Variants in PLD5 observed in about 807,000 individuals in gnomAD.
PLD5 encodes phospholipase D family member 5.
Under a neutral mutation model 61.1 loss-of-function variants are expected in PLD5, and 36 were observed. The observed-to-expected ratio is 0.59, with a 90% CI of 0.45 to 0.78. The LOEUF (loss-of-function observed/expected upper bound fraction) is 0.78. Ranked by LOEUF, PLD5 falls within the 30% of genes least tolerant of loss-of-function variation. The probability of loss-of-function intolerance (pLI) is 0.00; values close to 1 mark genes in which losing one functional copy is unlikely to be tolerated. For synonymous variants in PLD5, 243 were observed against 242.8 expected (o/e 1.00, Z -0.01); for missense variants, 515 against 644.4 (o/e 0.80, Z 2.17).
upstream of PLD5, among the ~76,000 whole-genome samples, chr1:242,528,462 A>G (rs2103018770): frequency 6.6e-6 from 1 of 152,310 alleles, no homozygotes; most frequent in Non-Finnish European, 1.5e-5. Context: ...TTCAAACCTA[A>G]ACTTAACAGA....
chr1:242,435,238 G>T (rs1017255645), intron 1 of PLD5, among the ~76,000 whole-genome samples: 1 of 152,132 alleles, frequency 6.6e-6, no homozygotes, highest in African/African-American at 2.4e-5. Context: ...GGGCTTTGAT[G>T]GTCATTTGCA....
chr1:242,273,185 TCTGTTCCTGTGTTAGTTTG>T (rs1674212105), intron 3 of PLD5, among the ~76,000 whole-genome samples: 2 of 152,044 alleles, frequency 1.3e-5, no homozygotes, highest in South Asian at 4.2e-4. Context: ...TGTTTTGTTT[TCTGTTCCTGTGTTAGTTTG>T]CTGAGAATGA....
chr1:242,269,609 C>G (rs1673933393), intron 3 of PLD5, among the ~76,000 whole-genome samples: 1 of 151,318 alleles, frequency 6.6e-6, no homozygotes, highest in African/African-American at 2.4e-5. Flanking sequence ...AGCAAAGAAA[C>G]AAGACTCAAG....
At chr1:242,308,820 G>A (rs1676525380) in intron 2 of PLD5, among the ~76,000 whole-genome samples, 1 of 152,080 alleles carries the variant, frequency 6.6e-6, no homozygotes, top group Non-Finnish European at 1.5e-5. Flanking sequence ...CTCAAGTGTG[G>A]GAAAAATAAA....
At chr1:242,371,332 T>C (rs557543415) in intron 1 of PLD5, among the ~76,000 whole-genome samples, 1 of 152,202 alleles carries the variant, frequency 6.6e-6, no homozygotes, top group African/African-American at 2.4e-5. Flanking sequence ...TCTGCACTCC[T>C]GACTGATGAG....
In PLD5 at chr1:242,376,850, C is replaced by T. The variant is rs552084235; in HGVS notation, c.190-28608G>A. Reference sequence around the variant, plus strand: ...TACTGTTAATTCTATTATCCCACTGCAAACTTTTTGTAACAAAAATGTCTT... The same window carrying T: ...TACTGTTAATTCTATTATCCCACTGTAAACTTTTTGTAACAAAAATGTCTT... On this transcript the variant is annotated intron_variant, in intron 1 of 9. Transcript: ENST00000536534. The T allele has an allele frequency of 2.4e-5, 36 of 1,477,932 alleles. No individual in the cohort carries two copies. In the South Asian group the frequency reaches 4.6e-4, roughly 19 times the overall value. 91.6% of individuals were successfully genotyped at this position (1,477,932 alleles called of 1,614,324 possible).
chr1:242,143,607 GA>G (rs1364732981), intron 5 of PLD5, among the ~76,000 whole-genome samples: 1 of 152,122 alleles, frequency 6.6e-6, no homozygotes, highest in African/African-American at 2.4e-5. Context: ...AGAAATATCA[GA>G]AATATAAACC....
At chr1:242,443,188 CTA>C (rs1302009127) in intron 1 of PLD5, among the ~76,000 whole-genome samples, 1 of 152,074 alleles carries the variant, frequency 6.6e-6, no homozygotes, top group Non-Finnish European at 1.5e-5. Flanking sequence ...GGTATTTTAT[CTA>C]TCTCTTAAGA....
At chr1:242,452,153 T>C (rs1337420234) in intron 1 of PLD5, among the ~76,000 whole-genome samples, 1 of 152,094 alleles carries the variant, frequency 6.6e-6, no homozygotes, top group Non-Finnish European at 1.5e-5. Flanking sequence ...TCTAAGCAGA[T>C]GTAGAATCAG....
At chr1:242,173,793 G>A (rs1417449760) in intron 5 of PLD5, among the ~76,000 whole-genome samples, 1 of 152,078 alleles carries the variant, frequency 6.6e-6, no homozygotes, top group African/African-American at 2.4e-5. Flanking sequence ...AACAAGAAAT[G>A]GGGAAAGGAT....
intron 6 of PLD5, among the ~76,000 whole-genome samples, chr1:242,118,821 T>G (rs1053696045): frequency 6.6e-6 from 1 of 152,134 alleles, no homozygotes; most frequent in Non-Finnish European, 1.5e-5. Context: ...TGTTCTAGAG[T>G]CTTCTACCTT....
intron 4 of PLD5, among the ~76,000 whole-genome samples, chr1:242,252,793 A>C (rs1672777346): frequency 6.8e-6 from 1 of 146,892 alleles, no homozygotes; most frequent in Non-Finnish European, 1.5e-5. Context: ...TCATTTATTT[A>C]TATCTTTATT....
At chr1:242,244,155 A>G (rs1439601223) in intron 4 of PLD5, among the ~76,000 whole-genome samples, 1 of 152,238 alleles carries the variant, frequency 6.6e-6, no homozygotes, top group Non-Finnish European at 1.5e-5. Context: ...CTTGGGATAC[A>G]GAAAATATTC....
intron 8 of PLD5, among the ~76,000 whole-genome samples, 199 bp downstream of exon 8, chr1:242,107,472 C>T (rs866351880): frequency 2.1e-5 from 3 of 143,598 alleles, no homozygotes; most frequent in South Asian, 2.4e-4. Flanking sequence ...GAGGGCTGGA[C>T]GGAGGAGGCA....
intron 3 of PLD5, among the ~76,000 whole-genome samples, chr1:242,278,518 CA>C (rs1362322415): frequency 6.6e-6 from 1 of 152,142 alleles, no homozygotes; most frequent in Non-Finnish European, 1.5e-5. Context: ...GAAATGGCAG[CA>C]TGAAGCAGCA....
intron 3 of PLD5, among the ~76,000 whole-genome samples, chr1:242,287,888 C>T (rs915530639): frequency 2.0e-5 from 3 of 152,100 alleles, no homozygotes; most frequent in Non-Finnish European, 4.4e-5. Flanking sequence ...TCGAGAAAAA[C>T]AACTATCCTG....
intron 3 of PLD5, among the ~76,000 whole-genome samples, chr1:242,280,791 G>A (rs936028518): frequency 3.9e-5 from 6 of 152,184 alleles, no homozygotes; most frequent in South Asian, 2.1e-4. Flanking sequence ...CAGGCCACAC[G>A]AGTATTAGAT....
chr1:242,376,730 T>C (rs1330704500), intron 1 of PLD5, among the ~76,000 whole-genome samples: 3 of 152,200 alleles, frequency 2.0e-5, no homozygotes, highest in Non-Finnish European at 4.4e-5. Context: ...CAAACTCTTT[T>C]AAACGCAAAT....
At chr1:242,196,845 A>G (rs1458038534) in intron 5 of PLD5, among the ~76,000 whole-genome samples, 1 of 152,162 alleles carries the variant, frequency 6.6e-6, no homozygotes, top group Non-Finnish European at 1.5e-5. Context: ...TTCCACCCAC[A>G]TCTGTATACA....
Sources: allele counts gnomAD v4.1 joint callset (sites outside exome capture counted in the v4.1 genomes callset), GRCh38; gene constraint gnomAD v4.1.1; transcripts MANE v1.5; gene names NCBI Gene and HGNC (gene_info 2026-07-23, HGNC 2026-07-21).